ATOSA: variants seen among roughly 807,000 people sequenced by gnomAD.
ATOSA encodes the protein atos homolog protein A.
chr15:52,584,090 G>GAAAAAAAA, the ATOSA span, among the ~76,000 whole-genome samples: 3 of 41,828 alleles, frequency 7.2e-5, no homozygotes, highest in Non-Finnish European at 1.1e-4. Context: ...GTCTCAAGAA[G>GAAAAAAAA]AAAAAAAAAA....
At chr15:52,584,090 G>GAAAAAAAAAAAAAA in the ATOSA span, among the ~76,000 whole-genome samples, 16 of 41,588 alleles carry the variant, frequency 3.8e-4, no homozygotes, top group African/African-American at 4.7e-4. Flanking sequence ...GTCTCAAGAA[G>GAAAAAAAAAAAAAA]AAAAAAAAAA....
chr15:52,691,887 C>T, the ATOSA span, among the ~76,000 whole-genome samples: 1 of 151,658 alleles, frequency 6.6e-6, no homozygotes, highest in African/African-American at 2.4e-5. Flanking sequence ...AAAAACGAGT[C>T]AAAGATCCAC....
At chr15:52,634,618 T>C in the ATOSA span, among the ~76,000 whole-genome samples, 2 of 150,774 alleles carry the variant, frequency 1.3e-5, no homozygotes, top group Non-Finnish European at 3.0e-5. Context: ...TTTTTTTTTT[T>C]TGAGACAGAG....
At chr15:52,590,254 G>C in the ATOSA span, among the ~76,000 whole-genome samples, 8 of 152,140 alleles carry the variant, frequency 5.3e-5, no homozygotes, top group South Asian at 1.0e-3. Context: ...GAAATCATAC[G>C]TGGCCCTAAT....
At chr15:52,661,856 TAAG>T in the ATOSA span, among the ~76,000 whole-genome samples, 1 of 124,052 alleles carries the variant, frequency 8.1e-6, no homozygotes, top group African/African-American at 3.1e-5. Context: ...TATGCCAACT[TAAG>T]AAGGACACAC....
chr15:52,599,060 A>G, the ATOSA span, among the ~76,000 whole-genome samples: 1 of 152,208 alleles, frequency 6.6e-6, no homozygotes, highest in East Asian at 1.9e-4. Flanking sequence ...CAGAACTGTG[A>G]GCCAATTAAA....
the ATOSA span, among the ~76,000 whole-genome samples, chr15:52,647,693 G>A: frequency 6.6e-6 from 1 of 152,308 alleles, no homozygotes; most frequent in South Asian, 2.1e-4. Context: ...AGCATTTGCA[G>A]GGGTCAAAGG....
chr15:52,663,336 G>T, the ATOSA span, among the ~76,000 whole-genome samples: 2 of 152,174 alleles, frequency 1.3e-5, no homozygotes, highest in Admixed American at 6.5e-5. Context: ...ACCTTTGATA[G>T]TAAACATTAC....
the ATOSA span, among the ~76,000 whole-genome samples, chr15:52,666,953 A>G: frequency 7.1e-6 from 1 of 141,346 alleles, no homozygotes; most frequent in African/African-American, 2.6e-5. Context: ...AAGCCAAGTT[A>G]AAAAAAAAAA....
the ATOSA span, chr15:52,593,442 G>A: frequency 1.3e-6 from 1 of 764,828 alleles, no homozygotes; most frequent in Non-Finnish European, 2.0e-6. Flanking sequence ...AAGTTGTGAG[G>A]TAATATTTTG....
At chr15:52,611,159 A>T in the ATOSA span, 2 of 1,613,936 alleles carry the variant, frequency 1.2e-6, no homozygotes, top group Non-Finnish European at 1.7e-6. Flanking sequence ...GAATAGCACC[A>T]TGAGAAACAC....
the ATOSA span, among the ~76,000 whole-genome samples, chr15:52,660,246 A>G: frequency 5.9e-5 from 9 of 152,354 alleles, no homozygotes; most frequent in Admixed American, 1.3e-4. Flanking sequence ...AGCTGGGAAG[A>G]AGTCAGATGT....
the ATOSA span, among the ~76,000 whole-genome samples, chr15:52,674,627 C>G: frequency 6.6e-6 from 1 of 152,078 alleles, no homozygotes; most frequent in African/African-American, 2.4e-5. Context: ...CCTTCTGTAG[C>G]TTTTATATTT....
the ATOSA span, among the ~76,000 whole-genome samples, chr15:52,594,884 TAAA>T: frequency 6.6e-6 from 1 of 152,190 alleles, no homozygotes; most frequent in Non-Finnish European, 1.5e-5. Context: ...ACCTACCACT[TAAA>T]AACTTTGTTT....
At chr15:52,686,301 A>G in the ATOSA span, among the ~76,000 whole-genome samples, 1 of 152,250 alleles carries the variant, frequency 6.6e-6, no homozygotes, top group East Asian at 1.9e-4. Context: ...AAGATTTCAT[A>G]CATTGGACTT....
chr15:52,676,226 A>G, the ATOSA span, among the ~76,000 whole-genome samples: 6 of 152,248 alleles, frequency 3.9e-5, no homozygotes, highest in African/African-American at 1.4e-4. Context: ...TTTATATAGG[A>G]TAGTTCTTTG....
At chr15:52,651,107 A>G in the ATOSA span, among the ~76,000 whole-genome samples, 1 of 152,222 alleles carries the variant, frequency 6.6e-6, no homozygotes, top group Non-Finnish European at 1.5e-5. Context: ...CTATATTTGA[A>G]GTATTAACTA....
the ATOSA span, among the ~76,000 whole-genome samples, chr15:52,599,675 A>G: frequency 6.6e-6 from 1 of 152,206 alleles, no homozygotes; most frequent in Non-Finnish European, 1.5e-5. Flanking sequence ...TGAATTTTTA[A>G]AAAATAACCT....
chr15:52,646,852 C>CT, the ATOSA span, among the ~76,000 whole-genome samples: 1 of 152,088 alleles, frequency 6.6e-6, no homozygotes, highest in African/African-American at 2.4e-5. Flanking sequence ...GTTTTTCCCC[C>CT]TAGCAAGGGG....
Sources: gnomAD v4.1 joint callset for allele counts (sites outside exome capture counted in the v4.1 genomes callset) on GRCh38, gnomAD v4.1.1 for gene constraint, MANE v1.5 for transcripts, NCBI Gene and HGNC (gene_info 2026-07-23, HGNC 2026-07-21) for gene names.